SLC35G2: variants seen among roughly 807,000 people sequenced by gnomAD.
SLC35G2 encodes the protein transmembrane protein 22.
In SLC35G2, 20 loss-of-function variants were observed where a neutral mutation model predicts 27.2. The observed-to-expected ratio is 0.74, with a 90% CI of 0.52 to 1.07. The LOEUF is 1.07. Ranked by LOEUF, SLC35G2 falls within the 50% of genes least tolerant of loss-of-function variation. The probability of loss-of-function intolerance (pLI) is 0.00; values close to 1 mark genes in which losing one functional copy is unlikely to be tolerated. For missense variants in SLC35G2, 416 were observed against 493.3 expected, an observed-to-expected ratio of 0.84 and a Z score of 1.48; for synonymous variants, 148 against 165.3, an observed-to-expected ratio of 0.90 and a Z score of 0.80.
chr3:136,844,444 G>T (rs1469083390), intron 1 of SLC35G2, among the ~76,000 whole-genome samples: 1 of 148,606 alleles, frequency 6.7e-6, no homozygotes, highest in African/African-American at 2.5e-5. Flanking sequence ...AGCTGAGATT[G>T]CGCCACTGTA....
At chr3:136,840,517 C>CCTCT (rs761083912) in intron 1 of SLC35G2, among the ~76,000 whole-genome samples, 1 of 148,304 alleles carries the variant, frequency 6.7e-6, no homozygotes, top group Non-Finnish European at 1.5e-5. Flanking sequence ...TCCCTCCCTT[C>CCTCT]CTCTCTCTCT....
chr3:136,827,169 AT>A (rs940849528), intron 1 of SLC35G2, among the ~76,000 whole-genome samples: 6 of 147,818 alleles, frequency 4.1e-5, no homozygotes, highest in Non-Finnish European at 7.5e-5. Flanking sequence ...TTTCAATTTC[AT>A]TTATTTCTGC....
chr3:136,845,943 G>T (rs1194327747), intron 1 of SLC35G2, among the ~76,000 whole-genome samples: 2 of 152,018 alleles, frequency 1.3e-5, no homozygotes, highest in Admixed American at 6.6e-5. Flanking sequence ...CCACTTGGCT[G>T]GTCAAACATT....
At chr3:136,849,801 G>C (rs1937566122) in intron 1 of SLC35G2, among the ~76,000 whole-genome samples, 1 of 150,908 alleles carries the variant, frequency 6.6e-6, no homozygotes, top group Admixed American at 6.6e-5. Flanking sequence ...CCCATTGTTA[G>C]TTTTTAAAAA....
chr3:136,838,382 A>C (rs1936955811), intron 1 of SLC35G2: 1 of 151,888 alleles, frequency 6.6e-6, no homozygotes, highest in African/African-American at 2.4e-5. Context: ...CTACTTAACC[A>C]ATCAGATGTT....
chr3:136,834,128 TA>T (rs1936803718), intron 1 of SLC35G2, among the ~76,000 whole-genome samples: 1 of 152,112 alleles, frequency 6.6e-6, no homozygotes, highest in South Asian at 2.1e-4. Context: ...TTGGATTATT[TA>T]AAAAAATATT....
rs749460590 is a variant in SLC35G2 at position 136,854,739 on chromosome 3, T to C, written c.279T>C (p.Phe93=). 71 of 1,614,054 alleles carry C rather than the reference T, an allele frequency of 4.4e-5. No individual in the cohort carries two copies. Among genetic ancestry groups the C allele is most frequent in the Non-Finnish European group, 5.9e-5 (70 of 1,180,042 alleles). Residue 93 remains phenylalanine, a synonymous_variant, in exon 2 of 2, where the codon TTT becomes TTC. Transcript: ENST00000446465. The part of the protein sequence containing the change: ...MINEIGQFQS[F]AEKNIFQSRK... Reference sequence around the variant, plus strand: ...ATGAGATTGGACAATTCCAGAGCTTTGCAGAAAAAAACATTTTTCAATCCC... The same window carrying C: ...ATGAGATTGGACAATTCCAGAGCTTCGCAGAAAAAAACATTTTTCAATCCC...
At chr3:136,827,371 G>A (rs1936613239) in intron 1 of SLC35G2, among the ~76,000 whole-genome samples, 2 of 151,748 alleles carry the variant, frequency 1.3e-5, no homozygotes, top group Non-Finnish European at 2.9e-5. Context: ...GCACCACCAC[G>A]CCTGGCTAAG....
intron 1 of SLC35G2, chr3:136,820,382 C>G (rs1936425183): frequency 6.6e-6 from 1 of 152,246 alleles, no homozygotes; most frequent in African/African-American, 2.4e-5. Context: ...TACTCTGCAC[C>G]TTTGCCAAAA....
intron 1 of SLC35G2, chr3:136,837,912 T>C (rs1264888161): frequency 6.6e-6 from 1 of 151,660 alleles, no homozygotes; most frequent in Non-Finnish European, 1.5e-5. Flanking sequence ...CAATCTTGGC[T>C]CACTGCAACC....
At chr3:136,820,001 T>G (rs2107991065) in intron 1 of SLC35G2, 1 of 152,336 alleles carries the variant, frequency 6.6e-6, no homozygotes, top group African/African-American at 2.4e-5. Context: ...TTGGCCTCAT[T>G]TGAGAGGAGG....
chr3:136,854,550 T>C lies in SLC35G2; in HGVS notation c.90T>C (p.Tyr30=). The change falls in exon 2 of 2, where the codon TAT becomes TAC. Residue 30 remains tyrosine, a synonymous_variant. Coordinates refer to ENST00000446465, the MANE Select transcript of SLC35G2 (RefSeq NM_025246.3). ...TGATGGTGAAATATACTTCTCATTA[T>C]CCCCAGCCTGGCGATGATGGATATG... The part of the protein sequence containing the change: ...NTVMVKYTSH[Y]PQPGDDGYEE... 1 of 1,611,310 alleles carries C rather than the reference T, an allele frequency of 6.2e-7. No individual in the cohort carries two copies.
At chr3:136,826,631 AATTTT>A (rs1210951297) in intron 1 of SLC35G2, among the ~76,000 whole-genome samples, 1 of 151,570 alleles carries the variant, frequency 6.6e-6, no homozygotes, top group Non-Finnish European at 1.5e-5. Flanking sequence ...TTTCATCTCT[AATTTT>A]ATTTTATTAT....
At chr3:136,827,767 A>G (rs937490898) in intron 1 of SLC35G2, among the ~76,000 whole-genome samples, 5 of 151,860 alleles carry the variant, frequency 3.3e-5, no homozygotes, top group Non-Finnish European at 5.9e-5. Context: ...ATAGTTTCCA[A>G]AATTCTTCTT....
Position 136,854,928 on chromosome 3 carries a change from G to A in SLC35G2, c.468G>A (p.Glu156=). 2 of 1,614,102 alleles carry A rather than the reference G, an allele frequency of 1.2e-6. No individual in the cohort carries two copies. The highest frequency in any genetic ancestry group is 8.5e-7 in the Non-Finnish European group (1 of 1,180,006). ...LSVLVVCYYQ[E]APFGPSGYRL... The stretch of plus-strand genomic sequence containing the variant: ...TGTTAGTTGTGTGTTACTATCAGGA[G>A]GCCCCCTTTGGACCCAGTGGATACA... Residue 156 remains glutamate, a synonymous_variant, in exon 2 of 2, where the codon GAG becomes GAA. Transcript: ENST00000446465.
intron 1 of SLC35G2, among the ~76,000 whole-genome samples, chr3:136,848,707 C>T (rs1441942680): frequency 6.6e-6 from 1 of 152,142 alleles, no homozygotes; most frequent in Non-Finnish European, 1.5e-5. Flanking sequence ...CATGTTCTGT[C>T]TTACAAGCTC....
chr3:136,853,180 C>A (rs997293332), intron 1 of SLC35G2, among the ~76,000 whole-genome samples: 2 of 152,148 alleles, frequency 1.3e-5, no homozygotes, highest in African/African-American at 4.8e-5. Flanking sequence ...ACTGCAACCT[C>A]TGCTTCCTGA....
At chr3:136,828,063 G>A (rs944949708) in intron 1 of SLC35G2, among the ~76,000 whole-genome samples, 1 of 152,152 alleles carries the variant, frequency 6.6e-6, no homozygotes, top group African/African-American at 2.4e-5. Context: ...CTGACCTCAG[G>A]TGATCTGCCC....
chr3:136,839,421 A>C (rs367756719), intron 1 of SLC35G2, among the ~76,000 whole-genome samples: 1 of 152,192 alleles, frequency 6.6e-6, no homozygotes, highest in Non-Finnish European at 1.5e-5. Context: ...TGCTTGTTTA[A>C]AAGTGCCACA....
Sources: gnomAD v4.1 joint callset for allele counts (sites outside exome capture counted in the v4.1 genomes callset) on GRCh38, gnomAD v4.1.1 for gene constraint, MANE v1.5 for transcripts, NCBI Gene and HGNC (gene_info 2026-07-23, HGNC 2026-07-21) for gene names.